The following DLG1 variants were observed in gnomAD, a reference collection of about 807,000 sequenced individuals.
DLG1 encodes the protein disks large homolog 1.
A neutral mutation model predicts 123.4 loss-of-function variants in DLG1; 42 were observed. The observed-to-expected ratio is 0.34, with a 90% CI of 0.27 to 0.44. DLG1 has a LOEUF of 0.44. Among genes scored for constraint, DLG1 ranks in the 20% least tolerant of loss-of-function variants. DLG1 has a pLI of 1.00. For missense variants in DLG1, 942 were observed against 1,082.6 expected (o/e 0.87, Z 1.82); for synonymous variants, 317 against 356.2 (o/e 0.89, Z 1.24).
In DLG1 at chr3:197,123,549, T is replaced by G. The variant is rs192896422; in HGVS notation, c.1166-4019A>C. ...CAATAAATGAATAAATAATAATCAT[T>G]AAAATCATGAGATAACTTTATACAT... On this transcript the variant is annotated intron_variant, in intron 11 of 24. Coordinates refer to ENST00000667157, the MANE Select transcript of DLG1 (RefSeq NM_001366207.1). Among the ~76,000 whole-genome samples, 17 of 152,312 alleles carry G rather than the reference T, an allele frequency of 1.1e-4. No homozygotes were observed. In the East Asian group the frequency reaches 2.3e-3, roughly 21 times the overall value.
chr3:197,152,669 A>T (rs947806144), intron 5 of DLG1, among the ~76,000 whole-genome samples: 2 of 147,986 alleles, frequency 1.4e-5, no homozygotes, highest in African/African-American at 5.0e-5. Context: ...AGGCTGAGGC[A>T]GGAGAATGGT....
At chr3:197,154,375 T>C (rs1264878219) in intron 5 of DLG1, among the ~76,000 whole-genome samples, 1 of 151,668 alleles carries the variant, frequency 6.6e-6, no homozygotes, top group Non-Finnish European at 1.5e-5. Flanking sequence ...ACAAAGACTT[T>C]ATTAAAGAAT....
intron 4 of DLG1, among the ~76,000 whole-genome samples, chr3:197,270,044 G>A (rs1305779620): frequency 6.6e-6 from 1 of 152,102 alleles, no homozygotes; most frequent in Non-Finnish European, 1.5e-5. Flanking sequence ...GGAAGAATGT[G>A]TCACCTGCCT....
At chr3:197,297,868 G>C in intron 1 of DLG1, 2 of 985,366 alleles carry the variant, frequency 2.0e-6, no homozygotes, top group East Asian at 1.1e-4. Context: ...CAGCTCCCCA[G>C]CCCGGCCCCG....
chr3:197,220,817 T>C (rs1444382605), intron 4 of DLG1, among the ~76,000 whole-genome samples: 2 of 152,168 alleles, frequency 1.3e-5, no homozygotes, highest in Non-Finnish European at 2.9e-5. Flanking sequence ...ACCCTAAAGA[T>C]ACTGGCTCAA....
intron 5 of DLG1, among the ~76,000 whole-genome samples, chr3:197,180,067 T>TGGGG (rs60631930): frequency 5.7e-5 from 5 of 87,810 alleles, no homozygotes; most frequent in African/African-American, 1.6e-4. Context: ...GTTTTTTTTT[T>TGGGG]GGGGGGGGGG....
intron 4 of DLG1, among the ~76,000 whole-genome samples, chr3:197,205,180 C>T (rs746468250): frequency 1.3e-5 from 2 of 151,972 alleles, no homozygotes; most frequent in Admixed American, 6.5e-5. Flanking sequence ...AGGGAAAGGG[C>T]GTGGGAGGAA....
chr3:197,233,477 C>T (rs112935526), intron 4 of DLG1, among the ~76,000 whole-genome samples: 1,636 of 152,270 alleles, frequency 0.011, 32 homozygotes, highest in African/African-American at 0.037. Flanking sequence ...ACCTCCACGT[C>T]GCAGGTTCAA....
In DLG1 at chr3:197,173,791, G is replaced by C. The variant is rs1446623294; in HGVS notation, c.483+20634C>G. 2.6e-5 allele frequency among the ~76,000 whole-genome samples: 4 copies of C among 152,298 alleles called. No homozygotes were observed. In the East Asian group the frequency reaches 7.7e-4, roughly 29 times the overall value. ...CATACACAATACACAAATAGGCATG[G>C]CTGTGTTCCAATAAAACTTTATTTA... On this transcript the variant is annotated intron_variant, in intron 5 of 24. Transcript: ENST00000667157.
At chr3:197,176,112 TTA>T (rs1259513998) in intron 5 of DLG1, among the ~76,000 whole-genome samples, 2 of 152,116 alleles carry the variant, frequency 1.3e-5, no homozygotes, top group African/African-American at 2.4e-5. Flanking sequence ...TATAAAGACC[TTA>T]TATCATAAAT....
At chr3:197,126,579 GA>G (rs911515252) in intron 11 of DLG1, among the ~76,000 whole-genome samples, 2 of 151,934 alleles carry the variant, frequency 1.3e-5, no homozygotes, top group Non-Finnish European at 2.9e-5. Context: ...TAAGATACTT[GA>G]ATTGATGAAT....
At chr3:197,132,264 A>T (rs1783032366) in intron 10 of DLG1, among the ~76,000 whole-genome samples, 1 of 148,452 alleles carries the variant, frequency 6.7e-6, no homozygotes. Context: ...TGTTTGCTTT[A>T]GGTTTGGATT....
intron 10 of DLG1, among the ~76,000 whole-genome samples, chr3:197,133,770 A>G (rs1339944226): frequency 6.6e-6 from 1 of 152,216 alleles, no homozygotes; most frequent in Non-Finnish European, 1.5e-5. Flanking sequence ...GAAAGACAGA[A>G]TGAAGAGTGG....
In DLG1 at chr3:197,279,770, T is replaced by C. The variant is rs1228494687; in HGVS notation, c.318+2909A>G. 2.0e-5 allele frequency among the ~76,000 whole-genome samples: 3 copies of C among 152,190 alleles called. 1 individual carries two copies. The South Asian group carries it at 6.2e-4, about 32-fold the overall frequency. ...TTGATGAAATTCAATGCACTACTGATCTTCCTGAATGAAATCTATATGGAA... is the reference window on the plus strand; with the variant it reads ...TTGATGAAATTCAATGCACTACTGACCTTCCTGAATGAAATCTATATGGAA... On this transcript the variant is annotated intron_variant, in intron 4 of 24. Transcript: ENST00000667157.
chr3:197,171,832 T>C (rs1307656467), intron 5 of DLG1, among the ~76,000 whole-genome samples: 1 of 152,144 alleles, frequency 6.6e-6, no homozygotes, highest in African/African-American at 2.4e-5. Context: ...TAATGTGCTT[T>C]TTTACCTGAT....
At chr3:197,189,576 T>C (rs931034113) in intron 5 of DLG1, among the ~76,000 whole-genome samples, 2 of 152,164 alleles carry the variant, frequency 1.3e-5, no homozygotes, top group Non-Finnish European at 2.9e-5. Context: ...AGGGGACTAG[T>C]GGTTTCACTT....
At chr3:197,259,395 G>C (rs573650716) in intron 4 of DLG1, among the ~76,000 whole-genome samples, 12 of 152,202 alleles carry the variant, frequency 7.9e-5, no homozygotes, top group Admixed American at 7.9e-4. Flanking sequence ...CAATTTTCCT[G>C]CTTTTCCTCT....
At chr3:197,122,477 T>C (rs1332576771) in intron 11 of DLG1, among the ~76,000 whole-genome samples, 1 of 151,858 alleles carries the variant, frequency 6.6e-6, no homozygotes, top group African/African-American at 2.4e-5. Context: ...AAAAAGAAAA[T>C]GAACAGTATA....
intron 4 of DLG1, among the ~76,000 whole-genome samples, chr3:197,235,881 G>A (rs555860234): frequency 1.3e-5 from 2 of 152,268 alleles, no homozygotes; most frequent in East Asian, 3.9e-4. Flanking sequence ...ACTTAAGTAT[G>A]CTCAAGGACT....
Sources: allele counts gnomAD v4.1 joint callset (sites outside exome capture counted in the v4.1 genomes callset), GRCh38; gene constraint gnomAD v4.1.1; transcripts MANE v1.5; gene names NCBI Gene and HGNC (gene_info 2026-07-23, HGNC 2026-07-21).